Variants in ZNF536 observed in about 807,000 individuals in gnomAD.
The protein encoded by ZNF536 is zinc finger protein 536.
In ZNF536, 13 loss-of-function variants were observed where a neutral mutation model predicts 84.5. The observed-to-expected ratio is 0.15, with a 90% CI of 0.10 to 0.24. The LOEUF (loss-of-function observed/expected upper bound fraction) is 0.24, where lower values mean the gene tolerates loss of function less well. ZNF536 is among the 10% of genes least tolerant of loss of function. ZNF536 has a pLI of 1.00. For synonymous variants in ZNF536, 811 were observed against 742.5 expected (o/e 1.09, Z -1.50); for missense variants, 1,536 against 1,747.5 (o/e 0.88, Z 2.16).
At chr19:30,234,433 T>C (rs1259827390) in intron 1 of ZNF536, among the ~76,000 whole-genome samples, 3 of 144,896 alleles carry the variant, frequency 2.1e-5, no homozygotes, top group Non-Finnish European at 4.5e-5. Context: ...GACAGAGTCT[T>C]ACTCTGTCCC....
At chr19:30,321,385 C>T (rs984094653) in intron 2 of ZNF536, among the ~76,000 whole-genome samples, 2 of 152,056 alleles carry the variant, frequency 1.3e-5, no homozygotes, top group African/African-American at 4.8e-5. Context: ...GTTGAAACCC[C>T]GTCTCTACTG....
At chr19:30,261,299 A>T (rs1244391655) in intron 1 of ZNF536, among the ~76,000 whole-genome samples, 1 of 139,898 alleles carries the variant, frequency 7.1e-6, no homozygotes, top group Admixed American at 6.9e-5. Flanking sequence ...CTCCGTCTCA[A>T]AAAAAAAAAA....
chr19:30,333,817 C>T (rs999837147), intron 2 of ZNF536, among the ~76,000 whole-genome samples: 1 of 152,152 alleles, frequency 6.6e-6, no homozygotes, highest in Non-Finnish European at 1.5e-5. Context: ...CTATTCTCGC[C>T]CTAATGATAT....
At chr19:30,389,403 C>A (rs2049485921) in intron 1 of ZNF536, among the ~76,000 whole-genome samples, 1 of 152,106 alleles carries the variant, frequency 6.6e-6, no homozygotes, top group African/African-American at 2.4e-5. Flanking sequence ...CTACTCTGGA[C>A]ACGAGACCCT....
At chr19:30,468,473 A>G (rs1435967788) in intron 2 of ZNF536, among the ~76,000 whole-genome samples, 5 of 152,024 alleles carry the variant, frequency 3.3e-5, no homozygotes, top group Admixed American at 1.3e-4. Context: ...GGTGCTGGCC[A>G]AGTGGATCTC....
At chr19:30,410,680 G>C (rs938463408) in intron 1 of ZNF536, among the ~76,000 whole-genome samples, 2 of 151,888 alleles carry the variant, frequency 1.3e-5, no homozygotes, top group Non-Finnish European at 2.9e-5. Flanking sequence ...GGGTTTCACC[G>C]TGTTAGCCAG....
intron 2 of ZNF536, among the ~76,000 whole-genome samples, chr19:30,478,521 TAC>T (rs1348254070): frequency 2.0e-5 from 3 of 152,158 alleles, no homozygotes; most frequent in African/African-American, 7.2e-5. Flanking sequence ...CTCAGCTCTG[TAC>T]ACATAAACTG....
chr19:30,326,806 T>G (rs28502382), intron 2 of ZNF536, among the ~76,000 whole-genome samples: 54 of 130,948 alleles, frequency 4.1e-4, no homozygotes, highest in African/African-American at 8.6e-4. Context: ...TTTTTTTTTT[T>G]TTTTTTTTTT....
At chr19:30,422,145 C>T (rs1275248295) in intron 1 of ZNF536, among the ~76,000 whole-genome samples, 1 of 151,900 alleles carries the variant, frequency 6.6e-6, no homozygotes, top group Non-Finnish European at 1.5e-5. Context: ...TCTGTAAGGC[C>T]CTTTTAGACT....
intron 1 of ZNF536, among the ~76,000 whole-genome samples, chr19:30,387,334 G>T (rs190214772): frequency 6.6e-6 from 1 of 152,242 alleles, no homozygotes; most frequent in Non-Finnish European, 1.5e-5. Context: ...GAGCAGGACC[G>T]TGGGGACCCG....
chr19:30,588,138 G>A (rs1028810664), intron 1 of ZNF536, among the ~76,000 whole-genome samples: 33 of 152,202 alleles, frequency 2.2e-4, no homozygotes, highest in African/African-American at 8.0e-4. Flanking sequence ...GCACCTGCTG[G>A]GCTGGAGGTC....
chr19:30,579,887 T>G (rs187723532), intron 1 of ZNF536, among the ~76,000 whole-genome samples: 1 of 152,366 alleles, frequency 6.6e-6, no homozygotes, highest in Admixed American at 6.5e-5. Context: ...TTACCACCAC[T>G]GAACCCATTC....
intron 1 of ZNF536, among the ~76,000 whole-genome samples, chr19:30,595,452 T>C (rs2047429982): frequency 6.6e-6 from 1 of 152,070 alleles, no homozygotes; most frequent in Non-Finnish European, 1.5e-5. Flanking sequence ...CATGCCTGGC[T>C]ATTTTTTAAT....
At chr19:30,456,308 CTTTTTTTTTTTTT>C (rs11301441) in intron 2 of ZNF536, among the ~76,000 whole-genome samples, 1 of 108,092 alleles carries the variant, frequency 9.3e-6, no homozygotes, top group Non-Finnish European at 1.9e-5. Context: ...TGTTTCTTTT[CTTTTTTTTTTTTT>C]TTTTTTTGCC....
chr19:30,460,985 CA>C (rs2053108298), intron 2 of ZNF536, among the ~76,000 whole-genome samples: 1 of 152,206 alleles, frequency 6.6e-6, no homozygotes, highest in Non-Finnish European at 1.5e-5. Context: ...CATTTGTCCT[CA>C]CTCTGAAAGG....
chr19:30,395,485 A>G lies in ZNF536; in HGVS notation c.-3+22929A>G, dbSNP rs76414933. ...TAAGAACTGTGCCTCCTGCAGGAAG[A>G]TGACTCAGGGTCACCCAGACCTTGG... On this transcript the variant is annotated intron_variant, in intron 1 of 4. Coordinates refer to ENST00000355537, the MANE Select transcript of ZNF536 (RefSeq NM_014717.3). Among the ~76,000 whole-genome samples, 710 of 152,326 alleles carry G rather than the reference A, an allele frequency of 4.7e-3. 4 individuals are homozygous for G. The highest frequency in any genetic ancestry group is 0.01 in the Middle Eastern group (3 of 294).
At chr19:30,683,055 G>A (rs1462572009) in intron 1 of ZNF536, among the ~76,000 whole-genome samples, 1 of 152,210 alleles carries the variant, frequency 6.6e-6, no homozygotes, top group Non-Finnish European at 1.5e-5. Flanking sequence ...GGTGACCCCT[G>A]ATTCAACTTG....
chr19:30,479,719 C>T (rs1275922427), intron 2 of ZNF536, among the ~76,000 whole-genome samples: 3 of 152,202 alleles, frequency 2.0e-5, no homozygotes, highest in Non-Finnish European at 4.4e-5. Flanking sequence ...GAGGCAGCCT[C>T]GGGACATGTG....
chr19:30,545,264 G>A (rs569419133), intron 3 of ZNF536, among the ~76,000 whole-genome samples: 7 of 152,060 alleles, frequency 4.6e-5, no homozygotes, highest in South Asian at 4.2e-4. Flanking sequence ...CAACTTCTGC[G>A]CCGACCCCAG....
Sources: gnomAD v4.1 joint callset for allele counts (sites outside exome capture counted in the v4.1 genomes callset) on GRCh38, gnomAD v4.1.1 for gene constraint, MANE v1.5 for transcripts, NCBI Gene and HGNC (gene_info 2026-07-23, HGNC 2026-07-21) for gene names.